Variants in TRAF3IP3 observed in about 807,000 individuals in gnomAD.
TRAF3IP3 encodes the protein TRAF3-interacting JNK-activating modulator.
In TRAF3IP3, 64 loss-of-function variants were observed where a neutral mutation model predicts 86.5. That is an observed-to-expected ratio of 0.74 (90% CI 0.60 to 0.91). The LOEUF (loss-of-function observed/expected upper bound fraction) is 0.91, where lower values mean the gene tolerates loss of function less well. TRAF3IP3 is among the 40% of genes least tolerant of loss of function. The pLI is 0.00. For synonymous variants in TRAF3IP3, 220 were observed against 243.9 expected (o/e 0.90, Z 0.91); for missense variants, 579 against 642.9 (o/e 0.90, Z 1.07).
chr1:209,756,386 A>T (rs948785324), intron 1 of TRAF3IP3, 77 bp downstream of exon 1: 5 of 152,264 alleles, frequency 3.3e-5, no homozygotes, highest in African/African-American at 9.6e-5. Flanking sequence ...ATGCTCTACC[A>T]TCCCAGCTCC....
intron 8 of TRAF3IP3, among the ~76,000 whole-genome samples, chr1:209,770,869 G>A (rs1379199493): frequency 4.5e-5 from 6 of 134,774 alleles, no homozygotes; most frequent in Admixed American, 7.9e-5. Context: ...AAGTGTGTGT[G>A]TGCCATGTGG....
rs1334185663 is a variant in TRAF3IP3, at chr1:209,772,450, C to T, written c.703-498C>T. ...ATTCTGGGGCACTCGGGGCTTAGGA[C>T]TTCAACATAGAAATGTTGAGGAGAT... On this transcript the variant is annotated intron_variant, in intron 8 of 16. Transcript: ENST00000367025. Among the ~76,000 whole-genome samples, 5 of 152,198 alleles carry T rather than the reference C, an allele frequency of 3.3e-5. 1 individual carries two copies. The highest frequency in any genetic ancestry group is 3.3e-4 in the Admixed American group (5 of 15,286).
At position 209,775,748 on chromosome 1, in the gene TRAF3IP3, TG is replaced by T. The variant is rs765778859; in HGVS notation, c.1053+17del. 20 of 1,602,388 alleles carry T rather than the reference TG, an allele frequency of 1.2e-5. No individual in the cohort carries two copies. The South Asian group carries it at 1.8e-4, about 14-fold the overall frequency. On this transcript the variant is annotated intron_variant, in intron 11 of 16. Transcript: ENST00000367025. ...AGTCCAAACTGCAGGTACCAGGCAC[TG>T]GGGGTGGGGAGGGAAGACAGGGTAT...
chr1:209,769,090 G>C (rs12131636), intron 8 of TRAF3IP3, among the ~76,000 whole-genome samples: 29,648 of 152,164 alleles, frequency 0.19, 3,030 homozygotes, highest in Non-Finnish European at 0.21. Context: ...TGGGGAGAGA[G>C]GAGGTACCCC....
chr1:209,778,970 T>G, intron 13 of TRAF3IP3: 1 of 297,780 alleles, frequency 3.4e-6, no homozygotes, highest in Non-Finnish European at 6.3e-6. Context: ...TTCCTTGGCT[T>G]TGTAGATGGC....
intron 2 of TRAF3IP3, among the ~76,000 whole-genome samples, chr1:209,759,677 C>A (rs1471411802): frequency 1.3e-5 from 2 of 152,168 alleles, no homozygotes; most frequent in African/African-American, 2.4e-5. Flanking sequence ...TCTCATGTTC[C>A]CCTGACTCAG....
At chr1:209,762,723 A>C in intron 4 of TRAF3IP3, 61 bp downstream of exon 4, 1 of 1,559,288 alleles carries the variant, frequency 6.4e-7, no homozygotes, top group Non-Finnish European at 8.8e-7. Flanking sequence ...CAACTGTCCC[A>C]GCTCACTGGC....
intron 8 of TRAF3IP3, among the ~76,000 whole-genome samples, chr1:209,765,004 G>T (rs905179775): frequency 3.9e-5 from 6 of 151,944 alleles, no homozygotes; most frequent in African/African-American, 1.5e-4. Context: ...GCAAAACCCT[G>T]TCTCTACTAA....
Position 209,780,614 on chromosome 1 carries a change from G to T in TRAF3IP3, c.1449+8G>T. The T allele has an allele frequency of 1.9e-6, 3 of 1,572,532 alleles. No individual in the cohort carries two copies. Among genetic ancestry groups the T allele is most frequent in the Admixed American group, 1.8e-5 (1 of 55,534 alleles). ...CAGGCCAAGGAAAAGGAGGTGAGAG[G>T]GTGACCTGAGATAGTGAGGGCTCAT... On this transcript the variant is annotated splice_region_variant and intron_variant, in intron 15 of 16. Coordinates refer to ENST00000367025, the MANE Select transcript of TRAF3IP3 (RefSeq NM_025228.4).
At chr1:209,769,117 G>A (rs2077414386) in intron 8 of TRAF3IP3, among the ~76,000 whole-genome samples, 1 of 152,162 alleles carries the variant, frequency 6.6e-6, no homozygotes, top group South Asian at 2.1e-4. Context: ...GTAGGAGACT[G>A]GGAAAATTTT....
intron 8 of TRAF3IP3, among the ~76,000 whole-genome samples, chr1:209,766,843 G>A (rs532505929): frequency 3.9e-5 from 6 of 152,332 alleles, no homozygotes; most frequent in African/African-American, 1.4e-4. Context: ...CAGCCTGGGT[G>A]ACGGAGCAAG....
chr1:209,771,279 CTGCATGTGAAGGTGTGCGTG>C (rs1235849039), intron 8 of TRAF3IP3, among the ~76,000 whole-genome samples: 4 of 83,630 alleles, frequency 4.8e-5, no homozygotes, highest in Non-Finnish European at 9.5e-5. Context: ...AGGTGTGCAT[CTGCATGTGAAGGTGTGCGTG>C]TGCATGTGAA....
intron 8 of TRAF3IP3, among the ~76,000 whole-genome samples, chr1:209,772,669 C>T (rs1032504878): frequency 4.0e-5 from 6 of 150,794 alleles, no homozygotes; most frequent in Non-Finnish European, 5.9e-5. Context: ...GCTTTCCTTC[C>T]GGGGCCCCCC....
intron 1 of TRAF3IP3, chr1:209,758,558 C>T (rs1276545951): frequency 6.6e-6 from 1 of 152,210 alleles, no homozygotes; most frequent in Non-Finnish European, 1.5e-5. Context: ...GAGTCTGCTA[C>T]CTGTTGAGTC....
At chr1:209,761,124 A>G (rs1432287771) in intron 3 of TRAF3IP3, among the ~76,000 whole-genome samples, 1 of 152,106 alleles carries the variant, frequency 6.6e-6, no homozygotes, top group Non-Finnish European at 1.5e-5. Flanking sequence ...ACACACACAG[A>G]CATATCTGTC....
chr1:209,765,206 A>G (rs1205821917), intron 8 of TRAF3IP3, among the ~76,000 whole-genome samples: 145 of 135,108 alleles, frequency 1.1e-3, no homozygotes, highest in South Asian at 2.9e-3. Flanking sequence ...AGAGAGAGAG[A>G]GAGAGAGGGA....
At chr1:209,767,455 G>A (rs1012203532) in intron 8 of TRAF3IP3, among the ~76,000 whole-genome samples, 2 of 152,088 alleles carry the variant, frequency 1.3e-5, no homozygotes, top group South Asian at 4.1e-4. Context: ...CAACACTTTG[G>A]GGGGCCAAGG....
rs1571909353 is a variant in TRAF3IP3, at chr1:209,760,221, G to A, written c.182G>A (p.Arg61Gln). ...IQQREQLQRA[R>Q]LQQFFRRRNL... ...CAGAGAGAGCAGCTCCAGAGAGCTC[G>A]ACTGCAGCAGTTCTTCAGGAGGAGG... The change falls in exon 3 of 17, where the codon CGA becomes CAA. Residue 61 changes from arginine to glutamine, a missense_variant. Coordinates refer to ENST00000367025, the MANE Select transcript of TRAF3IP3 (RefSeq NM_025228.4). The A allele has an allele frequency of 1.9e-6, 3 of 1,614,236 alleles. No homozygotes were observed. Among genetic ancestry groups the A allele is most frequent in the East Asian group, 2.2e-5 (1 of 44,890 alleles).
rs776386321 is a variant in TRAF3IP3 at position 209,763,572 on chromosome 1, T to C, written c.687T>C (p.Ser229=). 8 of 1,613,724 alleles carry C rather than the reference T, an allele frequency of 5.0e-6. No homozygotes were observed. The highest frequency in any genetic ancestry group is 3.3e-5 in the Admixed American group (2 of 60,004). ...QDLLSTLIQA[S]DSSWKGQLNE... is the part of the protein sequence containing the mutation. ...TACTGTCCACTCTGATTCAGGCCTC[T>C]GACAGCTCTTGGAAGGTAAGGGAAT... Residue 229 remains serine, a synonymous_variant, in exon 8 of 17, where the codon TCT becomes TCC. Transcript: ENST00000367025.
Sources: gnomAD v4.1 joint callset for allele counts (sites outside exome capture counted in the v4.1 genomes callset) on GRCh38, gnomAD v4.1.1 for gene constraint, MANE v1.5 for transcripts, NCBI Gene and HGNC (gene_info 2026-07-23, HGNC 2026-07-21) for gene names.